ENTREP2: variants seen among roughly 807,000 people sequenced by gnomAD.
ENTREP2 encodes the protein endosomal transmembrane epsin interactor 2, also known as protein ENTREP2.
the ENTREP2 span, among the ~76,000 whole-genome samples, chr15:29,367,953 A>C: frequency 2.6e-5 from 4 of 151,994 alleles, no homozygotes; most frequent in Non-Finnish European, 1.5e-5. Context: ...TCAACAAAAA[A>C]AAAAAAAGAG....
At chr15:29,412,399 AT>A in the ENTREP2 span, among the ~76,000 whole-genome samples, 1 of 152,034 alleles carries the variant, frequency 6.6e-6, no homozygotes, top group African/African-American at 2.4e-5. Flanking sequence ...GATACAATTG[AT>A]TTTTGGTATA....
At chr15:29,450,031 T>C in the ENTREP2 span, among the ~76,000 whole-genome samples, 2 of 152,206 alleles carry the variant, frequency 1.3e-5, no homozygotes, top group African/African-American at 4.8e-5. Context: ...ATAGGCTTGT[T>C]GACTGCACGT....
the ENTREP2 span, among the ~76,000 whole-genome samples, chr15:29,207,455 C>CTGGGGGGG: frequency 8.1e-6 from 1 of 123,000 alleles, no homozygotes; most frequent in Non-Finnish European, 1.7e-5. Flanking sequence ...GGTTGGGGGG[C>CTGGGGGGG]GGGGGGGGTG....
At chr15:29,191,891 C>A in the ENTREP2 span, among the ~76,000 whole-genome samples, 1 of 152,162 alleles carries the variant, frequency 6.6e-6, no homozygotes, top group Admixed American at 6.5e-5. Context: ...TCAACCTGGG[C>A]AACAGAGTGA....
At chr15:29,457,834 C>T in the ENTREP2 span, among the ~76,000 whole-genome samples, 1 of 152,150 alleles carries the variant, frequency 6.6e-6, no homozygotes, top group Non-Finnish European at 1.5e-5. Flanking sequence ...ACACGAACCC[C>T]AAATTCCAAA....
chr15:29,663,796 G>A, the ENTREP2 span, among the ~76,000 whole-genome samples: 2 of 152,060 alleles, frequency 1.3e-5, no homozygotes, highest in Non-Finnish European at 2.9e-5. Flanking sequence ...ACACCAACAT[G>A]GCACATGTAT....
chr15:29,274,408 GT>G, the ENTREP2 span, among the ~76,000 whole-genome samples: 3 of 152,148 alleles, frequency 2.0e-5, no homozygotes, highest in African/African-American at 7.2e-5. Context: ...GCTTTTAACT[GT>G]ATACTGATTC....
the ENTREP2 span, among the ~76,000 whole-genome samples, chr15:29,336,601 G>T: frequency 6.6e-6 from 1 of 151,402 alleles, no homozygotes; most frequent in Non-Finnish European, 1.5e-5. Context: ...GTGAGCCACC[G>T]CGCCCAGCCT....
the ENTREP2 span, chr15:29,126,494 G>A: frequency 1.3e-6 from 2 of 1,549,702 alleles, no homozygotes; most frequent in Non-Finnish European, 1.7e-6. Context: ...AGCTGGTACT[G>A]CAAGAGAAGG....
At chr15:29,131,948 A>G in the ENTREP2 span, among the ~76,000 whole-genome samples, 1 of 152,012 alleles carries the variant, frequency 6.6e-6, no homozygotes, top group African/African-American at 2.4e-5. Context: ...ATCTGACCTA[A>G]GCCGGAAGGG....
chr15:29,287,322 G>A, the ENTREP2 span, among the ~76,000 whole-genome samples: 1 of 150,582 alleles, frequency 6.6e-6, no homozygotes, highest in African/African-American at 2.4e-5. Context: ...GCCTGCATTC[G>A]GTTACAATTG....
the ENTREP2 span, among the ~76,000 whole-genome samples, chr15:29,156,850 G>A: frequency 6.6e-6 from 1 of 152,128 alleles, no homozygotes; most frequent in Non-Finnish European, 1.5e-5. Flanking sequence ...GCCAGGCGCA[G>A]TGGCTCATGC....
the ENTREP2 span, among the ~76,000 whole-genome samples, chr15:29,501,152 T>C: frequency 6.6e-6 from 1 of 152,104 alleles, no homozygotes; most frequent in Non-Finnish European, 1.5e-5. Context: ...ACATTATTTC[T>C]CAAACTCTTA....
the ENTREP2 span, among the ~76,000 whole-genome samples, chr15:29,359,060 G>T: frequency 1.1e-4 from 17 of 152,198 alleles, no homozygotes; most frequent in African/African-American, 3.9e-4. Context: ...ATTATTAAAA[G>T]ATATAATCTA....
At chr15:29,371,129 G>T in the ENTREP2 span, among the ~76,000 whole-genome samples, 4 of 152,032 alleles carry the variant, frequency 2.6e-5, no homozygotes, top group African/African-American at 9.7e-5. Flanking sequence ...TGAAGTTGGG[G>T]AAGAAAGAGA....
At chr15:29,594,943 G>C in the ENTREP2 span, among the ~76,000 whole-genome samples, 4,421 of 151,846 alleles carry the variant, frequency 0.029, 251 homozygotes, top group East Asian at 0.27. Flanking sequence ...TGGCAGGCAC[G>C]TGTAGCCCCA....
the ENTREP2 span, among the ~76,000 whole-genome samples, chr15:29,384,150 G>A: frequency 3.9e-5 from 6 of 152,140 alleles, no homozygotes; most frequent in East Asian, 1.9e-4. Flanking sequence ...AGAGGACACC[G>A]GCCTTTCTTG....
the ENTREP2 span, among the ~76,000 whole-genome samples, chr15:29,445,932 G>T: frequency 6.6e-6 from 1 of 152,206 alleles, no homozygotes; most frequent in Non-Finnish European, 1.5e-5. Context: ...GCTGATGTCT[G>T]CTGGAGAATT....
At chr15:29,123,222 C>T in the ENTREP2 span, 13 of 1,129,094 alleles carry the variant, frequency 1.2e-5, no homozygotes, top group Non-Finnish European at 1.5e-5. Flanking sequence ...GGGTGTCCCC[C>T]CCACATTTAT....
Sources: gnomAD v4.1 joint callset for allele counts (sites outside exome capture counted in the v4.1 genomes callset) on GRCh38, gnomAD v4.1.1 for gene constraint, MANE v1.5 for transcripts, NCBI Gene and HGNC (gene_info 2026-07-23, HGNC 2026-07-21) for gene names.